The following TACR1 variants were observed in gnomAD, a reference collection of about 807,000 sequenced individuals.
TACR1 encodes tachykinin receptor 1.
TACR1 carries 25 observed loss-of-function variants against 35.8 expected under a neutral mutation model. That is an observed-to-expected ratio of 0.70 (90% CI 0.51 to 0.98). The LOEUF is 0.98. TACR1 is among the 50% of genes least tolerant of loss of function. TACR1 has a pLI of 0.00. For missense variants in TACR1, 478 were observed against 522.9 expected, an observed-to-expected ratio of 0.91 and a Z score of 0.84; for synonymous variants, 195 against 206.7, an observed-to-expected ratio of 0.94 and a Z score of 0.48.
chr2:75,060,980 G>C (rs901550468), intron 2 of TACR1, among the ~76,000 whole-genome samples: 5 of 152,180 alleles, frequency 3.3e-5, no homozygotes, highest in Admixed American at 2.6e-4. Context: ...CCAGGGAAGA[G>C]GAACAGGCTT....
At chr2:75,060,925 C>T (rs1672658073) in intron 2 of TACR1, among the ~76,000 whole-genome samples, 1 of 152,036 alleles carries the variant, frequency 6.6e-6, no homozygotes, top group South Asian at 2.1e-4. Context: ...AATTTCTGGC[C>T]TGGGTGAATG....
intron 1 of TACR1, among the ~76,000 whole-genome samples, chr2:75,169,043 T>C (rs1011006038): frequency 6.6e-6 from 1 of 152,222 alleles, no homozygotes; most frequent in Non-Finnish European, 1.5e-5. Context: ...AATCGCTTTA[T>C]TTCTTAAGGC....
At chr2:75,077,734 A>G (rs545804297) in intron 2 of TACR1, among the ~76,000 whole-genome samples, 82 of 152,308 alleles carry the variant, frequency 5.4e-4, no homozygotes, top group Non-Finnish European at 9.9e-4. Flanking sequence ...TTGTACTTCA[A>G]ATCTACTGAG....
At chr2:75,077,271 A>G (rs1473182456) in intron 2 of TACR1, among the ~76,000 whole-genome samples, 1 of 152,140 alleles carries the variant, frequency 6.6e-6, no homozygotes, top group Non-Finnish European at 1.5e-5. Context: ...CACCCGGCCT[A>G]TTATTTTAAT....
intron 1 of TACR1, among the ~76,000 whole-genome samples, chr2:75,139,779 G>C (rs753691276): frequency 6.6e-6 from 1 of 152,198 alleles, no homozygotes; most frequent in Non-Finnish European, 1.5e-5. Context: ...CGACTTGTAA[G>C]TTTATTTGAG....
chr2:75,094,675 T>C (rs910304791), intron 2 of TACR1, among the ~76,000 whole-genome samples: 1 of 150,004 alleles, frequency 6.7e-6, no homozygotes, highest in African/African-American at 2.5e-5. Flanking sequence ...GAGGTGGAGG[T>C]GGTGGAGGTG....
At chr2:75,179,124 G>A (rs1675499246) in intron 1 of TACR1, among the ~76,000 whole-genome samples, 1 of 152,128 alleles carries the variant, frequency 6.6e-6, no homozygotes, top group East Asian at 1.9e-4. Context: ...CCTCATTTCT[G>A]TTCTTGAACC....
intron 2 of TACR1, among the ~76,000 whole-genome samples, chr2:75,109,441 C>G (rs1673709362): frequency 6.6e-6 from 1 of 152,146 alleles, no homozygotes; most frequent in Admixed American, 6.6e-5. Context: ...TTTTAACTCT[C>G]CATACCGGAC....
intron 3 of TACR1, 76 bp downstream of exon 3, chr2:75,053,529 T>C: frequency 7.0e-7 from 1 of 1,421,752 alleles, no homozygotes; most frequent in Non-Finnish European, 9.2e-7. Flanking sequence ...CCTCTGGGGC[T>C]CACAAGTGTG....
rs774156041 is a variant in TACR1 at position 75,053,637 on chromosome 2, G to A, written c.703C>T (p.Arg235Cys). ...TTGGCAGAGACTTGCTCGTGGTAGC[G>A]GTCAGAGGAGTCCCCGGGGATCTCA... ...ASEIPGDSSD[R>C]YHEQVSAKRK... The change falls in exon 3 of 5, where the codon CGC becomes TGC. Residue 235 changes from arginine (R) to cysteine (C), a missense_variant. By Grantham distance (180) the Arg-to-Cys change is radical (BLOSUM62 -3). Transcript: ENST00000305249. The A allele has an allele frequency of 4.0e-5, 63 of 1,590,506 alleles. No homozygotes were observed. The highest frequency in any genetic ancestry group is 5.0e-5 in the Non-Finnish European group (58 of 1,168,206).
At chr2:75,076,034 G>A (rs768136972) in intron 2 of TACR1, among the ~76,000 whole-genome samples, 41 of 152,206 alleles carry the variant, frequency 2.7e-4, no homozygotes, top group Admixed American at 8.5e-4. Context: ...TTTAAACACA[G>A]CATATGAATG....
chr2:75,083,571 T>C (rs1402510746), intron 2 of TACR1, among the ~76,000 whole-genome samples: 2 of 152,232 alleles, frequency 1.3e-5, no homozygotes, highest in Non-Finnish European at 2.9e-5. Flanking sequence ...TGGAATGTTC[T>C]TCCATTTGTT....
intron 1 of TACR1, among the ~76,000 whole-genome samples, chr2:75,158,490 G>A (rs544624766): frequency 9.9e-5 from 15 of 152,260 alleles, no homozygotes; most frequent in African/African-American, 3.4e-4. Context: ...TGGTCCTGGG[G>A]GAAGAGTGCT....
At chr2:75,121,659 C>G (rs1487694314) in intron 1 of TACR1, among the ~76,000 whole-genome samples, 2 of 152,190 alleles carry the variant, frequency 1.3e-5, no homozygotes, top group Non-Finnish European at 2.9e-5. Context: ...ATCAATTCTG[C>G]CTCTTTCATT....
intron 1 of TACR1, among the ~76,000 whole-genome samples, chr2:75,150,179 T>C (rs1431397185): frequency 2.0e-5 from 3 of 152,188 alleles, no homozygotes; most frequent in Non-Finnish European, 2.9e-5. Context: ...CACCAGACAC[T>C]TTGCCAGGAA....
At chr2:75,176,012 CAAAAAAAAAAA>C (rs34884122) in intron 1 of TACR1, among the ~76,000 whole-genome samples, 2 of 109,568 alleles carry the variant, frequency 1.8e-5, no homozygotes, top group East Asian at 2.8e-4. Flanking sequence ...TTGAGCTGTC[CAAAAAAAAAAA>C]AAAAAAAAAG....
At chr2:75,052,278 A>G (rs771083041) in intron 3 of TACR1, among the ~76,000 whole-genome samples, 13 of 152,200 alleles carry the variant, frequency 8.5e-5, no homozygotes, top group Admixed American at 3.3e-4. Context: ...CTGAGGACTT[A>G]GAAAGTGCCA....
chr2:75,059,896 G>A (rs1343350119), intron 2 of TACR1, among the ~76,000 whole-genome samples: 1 of 151,858 alleles, frequency 6.6e-6, no homozygotes, highest in Non-Finnish European at 1.5e-5. Context: ...TTTACTTCCT[G>A]GAAAAAAAAT....
At chr2:75,174,921 G>A (rs888736841) in intron 1 of TACR1, among the ~76,000 whole-genome samples, 3 of 152,176 alleles carry the variant, frequency 2.0e-5, no homozygotes, top group Non-Finnish European at 4.4e-5. Context: ...ATGATGAGGG[G>A]CTGAACACAG....
Sources: allele counts gnomAD v4.1 joint callset (sites outside exome capture counted in the v4.1 genomes callset), GRCh38; gene constraint gnomAD v4.1.1; transcripts MANE v1.5; gene names NCBI Gene and HGNC (gene_info 2026-07-23, HGNC 2026-07-21).